DNAH3: variants seen among roughly 807,000 people sequenced by gnomAD.
The protein encoded by DNAH3 is dynein axonemal heavy chain 3.
In DNAH3, 332 loss-of-function variants were observed where a neutral mutation model predicts 432.5. The observed-to-expected ratio is 0.77, with a 90% confidence interval of 0.70 to 0.84. DNAH3 has a LOEUF of 0.84. Among genes scored for constraint, DNAH3 ranks in the 40% least tolerant of loss-of-function variants. The pLI is 0.00. For missense variants in DNAH3, 4,861 were observed against 5,114.0 expected (o/e 0.95, Z 1.51); for synonymous variants, 1,956 against 1,900.2 (o/e 1.03, Z -0.76).
intron 21 of DNAH3, among the ~76,000 whole-genome samples, chr16:21,074,127 G>A (rs1402806576): frequency 4.6e-5 from 7 of 152,108 alleles, no homozygotes; most frequent in African/African-American, 1.7e-4. Context: ...GGTGAAGAAA[G>A]GGATCACACC....
chr16:20,984,029 G>GAAAAAAGAAAA (rs2086051499), intron 48 of DNAH3, among the ~76,000 whole-genome samples: 3 of 112,156 alleles, frequency 2.7e-5, no homozygotes, highest in Admixed American at 9.6e-5. Flanking sequence ...CCTATATCCA[G>GAAAAAAGAAAA]AAAAAAAAAA....
chr16:21,064,266 T>G (rs1659454192), intron 24 of DNAH3, among the ~76,000 whole-genome samples: 1 of 152,166 alleles, frequency 6.6e-6, no homozygotes, highest in Admixed American at 6.5e-5. Context: ...ATAAAAGACA[T>G]GTGGCCCAAA....
chr16:20,975,487 AT>A, intron 50 of DNAH3, 72 bp from the exon 51 acceptor site: 6 of 1,442,980 alleles, frequency 4.2e-6, no homozygotes, highest in Non-Finnish European at 5.7e-6. Context: ...AATTGAAATG[AT>A]TCTCCAACCT....
intron 29 of DNAH3, 72 bp from the exon 30 acceptor site, chr16:21,050,090 T>C (rs2089891381): frequency 8.9e-7 from 1 of 1,123,406 alleles, no homozygotes; most frequent in Non-Finnish European, 1.3e-6. Context: ...TTTCATTTAT[T>C]TTGACTCATA....
intron 44 of DNAH3, among the ~76,000 whole-genome samples, chr16:20,988,986 A>G (rs2086382218): frequency 6.6e-6 from 1 of 152,178 alleles, no homozygotes; most frequent in African/African-American, 2.4e-5. Flanking sequence ...GTGAAGTTGC[A>G]GACTTTCGCG....
At chr16:21,064,103 G>C (rs977813588) in intron 24 of DNAH3, among the ~76,000 whole-genome samples, 1 of 152,190 alleles carries the variant, frequency 6.6e-6, no homozygotes, top group African/African-American at 2.4e-5. Flanking sequence ...AGCTGGCTCT[G>C]TGTCTTGCTT....
chr16:21,119,758 G>A lies in DNAH3; in HGVS notation c.1699+982C>T, dbSNP rs147132007. Among the ~76,000 whole-genome samples the A allele has an allele frequency of 5.8e-4, 88 of 151,866 alleles. 2 individuals carry two copies. The East Asian group carries it at 0.016, about 28-fold the overall frequency. ...ACTACAGGCACCCGCCACCACACCC[G>A]GCTAATTTTTTGTATTTTTAGTAGA... is the stretch of plus-strand genomic sequence containing the variant. On this transcript the variant is annotated intron_variant, in intron 11 of 61. Coordinates refer to ENST00000261383, the Ensembl canonical transcript of DNAH3.
At chr16:21,105,995 C>T (rs189311362) in intron 15 of DNAH3, among the ~76,000 whole-genome samples, 1,532 of 151,366 alleles carry the variant, frequency 0.01, 76 homozygotes, top group Admixed American at 0.089. Context: ...TCCTGGCCAA[C>T]ATGGTAAAAC....
chr16:20,966,370 G>A (rs1384744910), intron 52 of DNAH3, among the ~76,000 whole-genome samples: 1 of 151,550 alleles, frequency 6.6e-6, no homozygotes. Flanking sequence ...TTTTTATAGA[G>A]ATGAGGTTTC....
intron 41 of DNAH3, among the ~76,000 whole-genome samples, chr16:21,004,288 C>A (rs1750463106): frequency 6.6e-6 from 1 of 152,122 alleles, no homozygotes; most frequent in Admixed American, 6.5e-5. Context: ...ATCATTTTGC[C>A]ATTTTTGTCT....
chr16:20,939,053 C>A (rs1042290058), intron 59 of DNAH3, among the ~76,000 whole-genome samples: 50 of 152,158 alleles, frequency 3.3e-4, no homozygotes, highest in African/African-American at 1.2e-3. Flanking sequence ...GTGGAGTGAG[C>A]CACGGCACCT....
intron 49 of DNAH3, among the ~76,000 whole-genome samples, chr16:20,980,078 A>G (rs1385854446): frequency 2.0e-5 from 3 of 151,286 alleles, no homozygotes; most frequent in Admixed American, 6.7e-5. Context: ...AGTCATTTCT[A>G]TCACTGATCC....
chr16:21,131,007 AG>A (rs1373329888), intron 7 of DNAH3, among the ~76,000 whole-genome samples: 1 of 152,106 alleles, frequency 6.6e-6, no homozygotes, highest in Admixed American at 6.6e-5. Flanking sequence ...CAACTCCAGG[AG>A]GTAGGTATTG....
chr16:20,964,867 A>G (rs2084982903), exon 53 of DNAH3: 1 of 1,614,144 alleles, frequency 6.2e-7, no homozygotes, highest in African/African-American at 1.3e-5. Flanking sequence ...CAGGTAAGCC[A>G]CAGTTCCTGA....
At chr16:20,946,412 G>C (rs566022241) in intron 57 of DNAH3, among the ~76,000 whole-genome samples, 30 of 152,086 alleles carry the variant, frequency 2.0e-4, no homozygotes, top group Admixed American at 2.0e-3. Context: ...CTGATGCCTC[G>C]CGTCTCCCTA....
chr16:21,005,283 C>T (rs544780438), intron 41 of DNAH3, among the ~76,000 whole-genome samples: 2 of 144,628 alleles, frequency 1.4e-5, no homozygotes, highest in African/African-American at 5.2e-5. Flanking sequence ...TCTTTCTTTC[C>T]TTCCTTGCTT....
chr16:21,106,177 TAAAAAAAA>T (rs767198150), intron 15 of DNAH3, among the ~76,000 whole-genome samples: 1 of 97,562 alleles, frequency 1.0e-5, no homozygotes, highest in Non-Finnish European at 2.0e-5. Flanking sequence ...AGACTCCATC[TAAAAAAAA>T]AAAAAAAAAA....
Position 20,963,939 on chromosome 16 carries a change from C to T in DNAH3, c.9945G>A (p.Glu3315=), listed in dbSNP as rs780991186. The change falls in exon 53 of 62, where the codon GAG becomes GAA. Residue 3315 remains glutamate, a synonymous_variant. Transcript: ENST00000261383. The stretch of plus-strand genomic sequence containing the variant: ...AAGTCAGGGAGTACTGGTACATCGG[C>T]TCGATGTTGGCCAGGTCCGAGATAC... 5.6e-6 allele frequency: 9 copies of T among 1,614,034 alleles called. No homozygotes were observed. In the South Asian group the frequency reaches 9.9e-5, roughly 18 times the overall value.
chr16:20,985,019 CA>C, intron 48 of DNAH3, 29 bp downstream of exon 48: 2 of 1,547,116 alleles, frequency 1.3e-6, no homozygotes, highest in Middle Eastern at 2.4e-4. Flanking sequence ...CCCAGAAGAA[CA>C]AGGGCAAATG....
Sources: allele counts gnomAD v4.1 joint callset (sites outside exome capture counted in the v4.1 genomes callset), GRCh38; gene constraint gnomAD v4.1.1; transcripts MANE v1.5; gene names NCBI Gene and HGNC (gene_info 2026-07-23, HGNC 2026-07-21).